PAXIP1: variants seen among roughly 807,000 people sequenced by gnomAD.
PAXIP1 encodes PAX-interacting protein 1.
Under a neutral mutation model 140.6 loss-of-function variants are expected in PAXIP1, and 19 were observed. The ratio of observed to expected loss-of-function variants is 0.14; its 90% CI spans 0.09 to 0.20. The LOEUF (loss-of-function observed/expected upper bound fraction) is 0.20. Among genes scored for constraint, PAXIP1 ranks in the 10% least tolerant of loss-of-function variants. PAXIP1 has a pLI of 1.00. For missense variants in PAXIP1, 920 were observed against 1,208.6 expected, an observed-to-expected ratio of 0.76 and a Z score of 3.54; for synonymous variants, 442 against 444.6, an observed-to-expected ratio of 0.99 and a Z score of 0.07.
intron 2 of PAXIP1, 121 bp from the exon 3 acceptor site, chr7:154,993,890 A>C: frequency 2.9e-6 from 2 of 679,650 alleles, no homozygotes; most frequent in Middle Eastern, 2.5e-4. Flanking sequence ...CATCCAGATT[A>C]CAAGTATGAA....
At position 155,002,772 on chromosome 7, in the gene PAXIP1, G is replaced by GCGGGGACGGGGA. The variant is rs371145514; in HGVS notation, c.81+65_81+76dup. On this transcript the variant is annotated intron_variant, in intron 1 of 20. Transcript: ENST00000404141. ...CGCCCGGCGCGCGCCCGCGGCAGGA[G>GCGGGGACGGGGA]CGGGGACGGGGACGGGGACGGGGAC... The GCGGGGACGGGGA allele has an allele frequency of 1.2e-4, 99 of 800,100 alleles. No individual in the cohort carries two copies. In the African/African-American group the frequency reaches 1.4e-3, roughly 11 times the overall value. The allele number at this position is 800,100 out of a possible 1,614,324, so 49.6% of individuals were successfully genotyped here. A position where few individuals can be genotyped will look rare whatever the true frequency, so the allele number is the denominator to read the frequency against.
intron 2 of PAXIP1, among the ~76,000 whole-genome samples, chr7:154,996,411 C>T (rs1810614071): frequency 6.6e-6 from 1 of 152,164 alleles, no homozygotes; most frequent in African/African-American, 2.4e-5. Context: ...GGTTTGAATA[C>T]AGTAAACTAC....
Position 154,962,446 on chromosome 7 carries a change from T to C in PAXIP1, c.2002A>G (p.Arg668Gly), listed in dbSNP as rs1808796522. The C allele has an allele frequency of 1.9e-6, 3 of 1,613,348 alleles. No homozygotes were observed. Among genetic ancestry groups the C allele is most frequent in the Non-Finnish European group, 2.5e-6 (3 of 1,179,566 alleles). The change falls in exon 10 of 21, where the codon AGA becomes GGA. Residue 668 changes from arginine (R) to glycine (G), a missense_variant. Physicochemically the swap from Arg to Gly is moderately radical, Grantham distance 125. This residue lies in a region of PAXIP1 where 303 missense variants were observed against 517.9 expected (regional missense o/e 0.59). Transcript: ENST00000404141. ...SSAYAQAIRE[R>G]KRCVTAHWLN... ...CAGTGTGCAGTAACACATCTCTTTCTTTCTCTTATTGCCTGTCAAACATAA... is the reference window on the plus strand; with the variant it reads ...CAGTGTGCAGTAACACATCTCTTTCCTTCTCTTATTGCCTGTCAAACATAA...
chr7:154,962,534 A>G lies in PAXIP1; in HGVS notation c.1990-76T>C. 10 of 1,326,496 alleles carry G rather than the reference A, an allele frequency of 7.5e-6. 1 individual carries two copies. The South Asian group carries it at 1.2e-4, about 16-fold the overall frequency. The allele number at this position is 1,326,496 out of a possible 1,614,324, so 82.2% of individuals were successfully genotyped here. A position where few individuals can be genotyped will look rare whatever the true frequency, so the allele number is the denominator to read the frequency against. On this transcript the variant is annotated intron_variant, in intron 9 of 20. Coordinates refer to ENST00000404141, the MANE Select transcript of PAXIP1 (RefSeq NM_007349.4). ...ATTAAAGAAAATTCTAAGGTTGTATAACTACAATGCCCTTTTCATTGGAAG... is the reference window on the plus strand; with the variant it reads ...ATTAAAGAAAATTCTAAGGTTGTATGACTACAATGCCCTTTTCATTGGAAG...
intron 8 of PAXIP1, 69 bp downstream of exon 8, chr7:154,967,747 C>A: frequency 9.5e-7 from 1 of 1,051,800 alleles, no homozygotes; most frequent in Non-Finnish European, 1.5e-6. Context: ...GCTAAGTGAA[C>A]ACAGTTACAT....
chr7:154,979,912 G>A (rs879411113), intron 5 of PAXIP1, among the ~76,000 whole-genome samples: 3 of 152,142 alleles, frequency 2.0e-5, no homozygotes, highest in Non-Finnish European at 4.4e-5. Flanking sequence ...TGAGCATGAA[G>A]TCCAACTGTC....
chr7:154,980,890 A>G (rs909958126), intron 5 of PAXIP1, among the ~76,000 whole-genome samples: 4 of 152,150 alleles, frequency 2.6e-5, no homozygotes, highest in African/African-American at 9.7e-5. Flanking sequence ...CAGCACTTAG[A>G]GGTTGAGGTG....
chr7:154,961,506 C>T, intron 11 of PAXIP1, 21 bp downstream of exon 11: 1 of 1,562,782 alleles, frequency 6.4e-7, no homozygotes, highest in East Asian at 2.3e-5. Flanking sequence ...TGATTAAAAA[C>T]AGTTTCGAAA....
Position 154,964,048 on chromosome 7 carries a change from T to C in PAXIP1, c.1894-282A>G, listed in dbSNP as rs570216806. On this transcript the variant is annotated intron_variant, in intron 8 of 20. Coordinates refer to ENST00000404141, the MANE Select transcript of PAXIP1 (RefSeq NM_007349.4). ...TTCTCAAGCTCAATGTAACTGCCAC[T>C]CTGGACCAGGGAGTTCTGGGAAGTG... 25 of 373,682 alleles carry C rather than the reference T, an allele frequency of 6.7e-5. No individual in the cohort carries two copies. The East Asian group carries it at 7.3e-4, about 11-fold the overall frequency. 23.1% of individuals were successfully genotyped at this position (373,682 alleles called of 1,614,324 possible).
At chr7:154,988,885 A>G (rs1473775313) in intron 4 of PAXIP1, among the ~76,000 whole-genome samples, 1 of 152,232 alleles carries the variant, frequency 6.6e-6, no homozygotes, top group Non-Finnish European at 1.5e-5. Flanking sequence ...TTTCATTTTT[A>G]AAACTTTTCT....
intron 16 of PAXIP1, among the ~76,000 whole-genome samples, chr7:154,952,493 C>T (rs1316865655): frequency 6.6e-6 from 1 of 152,064 alleles, no homozygotes; most frequent in Non-Finnish European, 1.5e-5. Flanking sequence ...TGTCCACAGC[C>T]CTAAGTGCAA....
rs760390613 is a variant in PAXIP1, at chr7:154,986,016, C to A, written c.325-2684G>T. 7.3e-7 allele frequency: 1 copy of A among 1,365,598 alleles called. No homozygotes were observed. Among genetic ancestry groups the A allele is most frequent in the South Asian group, 1.1e-5 (1 of 87,656 alleles). 84.6% of individuals were successfully genotyped at this position (1,365,598 alleles called of 1,614,324 possible). A position where few individuals can be genotyped will look rare whatever the true frequency, so the allele number is the denominator to read the frequency against. On this transcript the variant is annotated intron_variant, in intron 4 of 20. Coordinates refer to ENST00000404141, the MANE Select transcript of PAXIP1 (RefSeq NM_007349.4). The surrounding 1 kb of genome is among the most constrained non-coding windows in gnomAD (Gnocchi z 4.8). The stretch of plus-strand genomic sequence containing the variant: ...CTCTTGACCTATTCCCCAAAACCTA[C>A]CCAGCACATTACAACAGAGGCCTCA...
intron 8 of PAXIP1, among the ~76,000 whole-genome samples, chr7:154,966,039 G>A (rs530267340): frequency 2.6e-5 from 4 of 152,130 alleles, no homozygotes; most frequent in African/African-American, 9.7e-5. Context: ...TTCAATCTCT[G>A]AGTCAAATGC....
At position 154,976,021 on chromosome 7, in the gene PAXIP1, T is replaced by G; in HGVS notation, c.749A>C (p.Asp250Ala). The G allele has an allele frequency of 6.2e-7, 1 of 1,612,002 alleles. No homozygotes were observed. The highest frequency in any genetic ancestry group is 8.5e-7 in the Non-Finnish European group (1 of 1,178,786). Reference sequence around the variant, plus strand: ...TTCCGGTGATGAATCTGAAGAATCATCAAACATTAATTCCCCTTTAGATTT... The same window carrying G: ...TTCCGGTGATGAATCTGAAGAATCAGCAAACATTAATTCCCCTTTAGATTT... ...TEKSKGELMFDDSSDSSPEKQ... is the reference protein window; with the variant it reads ...TEKSKGELMFADSSDSSPEKQ... The change falls in exon 6 of 21, where the codon GAT (aspartate) becomes GCT (alanine). Residue 250 changes from aspartate (D) to alanine (A), a missense_variant. This residue lies in a region of PAXIP1 where 419 missense variants were observed against 514.7 expected (regional missense o/e 0.81). Transcript: ENST00000404141.
At chr7:154,999,816 T>C (rs184449843) in intron 1 of PAXIP1, among the ~76,000 whole-genome samples, 34 of 152,160 alleles carry the variant, frequency 2.2e-4, no homozygotes, top group Non-Finnish European at 1.2e-4. Flanking sequence ...CATTGTTACA[T>C]AGATGGGAGC....
chr7:154,959,834 C>T (rs549664213), intron 13 of PAXIP1, 56 bp downstream of exon 13: 6 of 1,049,894 alleles, frequency 5.7e-6, no homozygotes, highest in South Asian at 2.6e-5. Flanking sequence ...AAATACATCC[C>T]TACTGCATCT....
chr7:154,946,374 T>C lies in PAXIP1; in HGVS notation c.3185A>G (p.Asp1062Gly). Residue 1062 changes from aspartate to glycine, a missense_variant, in exon 20 of 21, where the codon GAC becomes GGC. Transcript: ENST00000404141. The surrounding 1 kb of genome is among the most constrained non-coding windows in gnomAD (Gnocchi z 4.9). ...CTTTTGGAAAGGATATGATTCATAG[T>C]CCAGCGTTTGAGTGAGCACTCCAGT... is the stretch of plus-strand genomic sequence containing the variant. ...VLTGVLTQTL[D>G]YESYKFN The C allele has an allele frequency of 6.2e-7, 1 of 1,613,998 alleles. No homozygotes were observed. The highest frequency in any genetic ancestry group is 8.5e-7 in the Non-Finnish European group (1 of 1,179,866).
chr7:154,946,892 C>A lies in PAXIP1; in HGVS notation c.2923-79G>T. The A allele has an allele frequency of 1.7e-6, 2 of 1,163,050 alleles. No individual in the cohort carries two copies. Among genetic ancestry groups the A allele is most frequent in the Non-Finnish European group, 2.4e-6 (2 of 833,114 alleles). The allele number at this position is 1,163,050 out of a possible 1,614,324, so 72.0% of individuals were successfully genotyped here. Reference sequence around the variant, plus strand: ...GAGTACATAATTCTCATAGATTCTGCCCTGAGATTTTTGACAAAATTTCAA... The same window carrying A: ...GAGTACATAATTCTCATAGATTCTGACCTGAGATTTTTGACAAAATTTCAA... On this transcript the variant is annotated intron_variant, in intron 17 of 20. Coordinates refer to ENST00000404141, the MANE Select transcript of PAXIP1 (RefSeq NM_007349.4). This position sits in a 1 kb window ranked among gnomAD's most constrained non-coding sequence, Gnocchi z 4.9.
At chr7:155,002,778 ACGGG>A (rs1189173154) in intron 1 of PAXIP1, 67 bp downstream of exon 1, 1 of 721,452 alleles carries the variant, frequency 1.4e-6, no homozygotes, top group African/African-American at 5.1e-5. Flanking sequence ...AGGAGCGGGG[ACGGG>A]GACGGGGACG....
Sources: gnomAD v4.1 joint callset for allele counts (sites outside exome capture counted in the v4.1 genomes callset) on GRCh38, gnomAD v4.1.1 for gene constraint, gnomAD v4.1.1 regional missense constraint, Gnocchi (gnomAD v3.1) non-coding constraint, MANE v1.5 for transcripts, NCBI Gene and HGNC (gene_info 2026-07-23, HGNC 2026-07-21) for gene names.